The following MTCL1 variants were observed in gnomAD, a reference collection of about 807,000 sequenced individuals.
The protein encoded by MTCL1 is microtubule crosslinking factor 1, also known as microtubule cross-linking factor 1.
In MTCL1, 79 loss-of-function variants were observed where a neutral mutation model predicts 141.4. The ratio of observed to expected loss-of-function variants is 0.56; its 90% CI spans 0.47 to 0.67. The LOEUF (loss-of-function observed/expected upper bound fraction) is 0.67. MTCL1 is among the 30% of genes least tolerant of loss of function. The pLI is 0.00. For missense variants in MTCL1, 2,177 were observed against 2,113.9 expected (o/e 1.03, Z -0.59); for synonymous variants, 914 against 875.8 (o/e 1.04, Z -0.77).
exon 15 of MTCL1, chr18:8,826,023 A>G: frequency 6.2e-7 from 1 of 1,610,290 alleles, no homozygotes; most frequent in South Asian, 1.1e-5. Flanking sequence ...AGAGATGTGC[A>G]GGGAGGAAGG....
chr18:8,754,390 A>G (rs2096387000), intron 4 of MTCL1, among the ~76,000 whole-genome samples: 1 of 152,310 alleles, frequency 6.6e-6, no homozygotes, highest in African/African-American at 2.4e-5. Flanking sequence ...TTTTTAAGCA[A>G]GCATCTATAA....
At chr18:8,733,330 A>G (rs899137621) in intron 4 of MTCL1, among the ~76,000 whole-genome samples, 2 of 152,194 alleles carry the variant, frequency 1.3e-5, no homozygotes, top group African/African-American at 2.4e-5. Context: ...TCTGTAAACT[A>G]TAGGAAACAT....
At chr18:8,747,031 C>T (rs2096342495) in intron 4 of MTCL1, among the ~76,000 whole-genome samples, 1 of 152,156 alleles carries the variant, frequency 6.6e-6, no homozygotes, top group South Asian at 2.1e-4. Context: ...GGTATCGCGA[C>T]GATGCTCACC....
intron 4 of MTCL1, among the ~76,000 whole-genome samples, chr18:8,734,866 C>G (rs1415592011): frequency 6.6e-6 from 1 of 152,168 alleles, no homozygotes; most frequent in Non-Finnish European, 1.5e-5. Context: ...TAGAACTTCC[C>G]TGGTGGTTTC....
At chr18:8,827,485 C>T (rs1221291179) in intron 15 of MTCL1, among the ~76,000 whole-genome samples, 3 of 152,318 alleles carry the variant, frequency 2.0e-5, no homozygotes, top group African/African-American at 7.2e-5. Flanking sequence ...CTACATGTTC[C>T]AAGATCTGAG....
At chr18:8,735,703 A>G (rs952042332) in intron 4 of MTCL1, among the ~76,000 whole-genome samples, 1 of 152,080 alleles carries the variant, frequency 6.6e-6, no homozygotes, top group Non-Finnish European at 1.5e-5. Context: ...GTGTGAGCTG[A>G]ATGAGTGAAG....
rs938076051 is a variant in MTCL1, at chr18:8,830,434, C to T, written c.*19-1173C>T. On this transcript the variant is annotated intron_variant, in intron 16 of 16. Transcript: ENST00000359865. This position sits in a 1 kb window ranked among gnomAD's most constrained non-coding sequence, Gnocchi z 6.4. ...CCATTGCTCTTCTGGAAGCCTGTGG[C>T]TCCCACGCTGTCCTCGGGCCATGCT... The T allele has an allele frequency of 7.4e-5, 73 of 985,490 alleles. No homozygotes were observed. The highest frequency in any genetic ancestry group is 8.4e-5 in the Non-Finnish European group (70 of 830,070). 61.0% of individuals were successfully genotyped at this position (985,490 alleles called of 1,614,324 possible).
chr18:8,720,593 T>G (rs73939506), intron 4 of MTCL1, 97 bp downstream of exon 3: 63,515 of 1,276,894 alleles, frequency 0.05, 2,231 homozygotes, highest in African/African-American at 0.15. Context: ...AAAGCTGGGG[T>G]TGGCAAATCG....
intron 4 of MTCL1, among the ~76,000 whole-genome samples, chr18:8,774,152 G>A (rs909845452): frequency 2.0e-5 from 3 of 152,102 alleles, no homozygotes; most frequent in African/African-American, 7.2e-5. Flanking sequence ...GGGTTGATTT[G>A]TCCTGAGGGC....
intron 13 of MTCL1, among the ~76,000 whole-genome samples, chr18:8,820,771 C>T (rs935133732): frequency 6.6e-5 from 10 of 152,158 alleles, no homozygotes; most frequent in Admixed American, 2.0e-4. Flanking sequence ...GGGAAGGGTA[C>T]CCCTTGCTAT....
intron 7 of MTCL1, among the ~76,000 whole-genome samples, chr18:8,791,780 C>CA (rs1165753897): frequency 2.0e-5 from 3 of 152,206 alleles, no homozygotes; most frequent in African/African-American, 7.2e-5. Context: ...ATAGTAGTCT[C>CA]AAACAACTAG....
At chr18:8,831,752 T>G (rs1381868706) in exon 17 of MTCL1, 2 of 1,550,306 alleles carry the variant, frequency 1.3e-6, no homozygotes, top group South Asian at 1.2e-5. Flanking sequence ...CCGACGTCCT[T>G]GGAGGAGCAT....
exon 6 of MTCL1, chr18:8,784,807 C>T (rs138194834): frequency 2.4e-5 from 39 of 1,606,734 alleles, no homozygotes; most frequent in East Asian, 6.7e-5. Context: ...ACTCCCCCAT[C>T]GGGAACCTGG....
chr18:8,706,031 A>T, exon 1 of MTCL1: 1 of 1,177,660 alleles, frequency 8.5e-7, no homozygotes, highest in Non-Finnish European at 1.0e-6. Context: ...GGCGGTGCCA[A>T]GGCTGCCCTG....
chr18:8,761,755 C>T (rs1567991331), intron 4 of MTCL1, among the ~76,000 whole-genome samples: 1 of 152,218 alleles, frequency 6.6e-6, no homozygotes, highest in African/African-American at 2.4e-5. Context: ...CAGGGAAACT[C>T]CCCTTTATAA....
At chr18:8,814,837 C>T (rs1470240821) in intron 12 of MTCL1, among the ~76,000 whole-genome samples, 1 of 152,196 alleles carries the variant, frequency 6.6e-6, no homozygotes, top group Non-Finnish European at 1.5e-5. Context: ...TGGGAAGTCA[C>T]ACCTTGGATA....
intron 4 of MTCL1, among the ~76,000 whole-genome samples, chr18:8,764,349 T>A (rs1030540441): frequency 6.6e-6 from 1 of 151,774 alleles, no homozygotes; most frequent in African/African-American, 2.4e-5. Flanking sequence ...CAGAGTTTCG[T>A]TCTTGTTGCC....
At chr18:8,788,562 A>G (rs2075604456) in intron 7 of MTCL1, among the ~76,000 whole-genome samples, 3 of 152,214 alleles carry the variant, frequency 2.0e-5, no homozygotes, top group Non-Finnish European at 4.4e-5. Flanking sequence ...CCCGACCAAA[A>G]CTGTGACTAC....
intron 12 of MTCL1, among the ~76,000 whole-genome samples, chr18:8,814,689 G>A (rs937914234): frequency 1.3e-5 from 2 of 152,132 alleles, no homozygotes; most frequent in East Asian, 1.9e-4. Flanking sequence ...TTCTTGGCCC[G>A]TGCTCTAGGG....
Sources: gnomAD v4.1 joint callset for allele counts (sites outside exome capture counted in the v4.1 genomes callset) on GRCh38, gnomAD v4.1.1 for gene constraint, Gnocchi (gnomAD v3.1) non-coding constraint, MANE v1.5 for transcripts, NCBI Gene and HGNC (gene_info 2026-07-23, HGNC 2026-07-21) for gene names.